The following ZNF521 variants were observed in gnomAD, a reference collection of about 807,000 sequenced individuals.
ZNF521 encodes zinc finger protein 521.
A neutral mutation model predicts 105.5 loss-of-function variants in ZNF521; 14 were observed. That is an observed-to-expected ratio of 0.13 (90% confidence interval 0.09 to 0.21). The LOEUF is 0.21. Among genes scored for constraint, ZNF521 ranks in the 10% least tolerant of loss-of-function variants. The probability of loss-of-function intolerance (pLI) is 1.00; values close to 1 mark genes in which losing one functional copy is unlikely to be tolerated. For missense variants in ZNF521, 1,233 were observed against 1,629.7 expected (o/e 0.76, Z 4.19); for synonymous variants, 635 against 606.0 (o/e 1.05, Z -0.70).
At chr18:25,212,202 T>A (rs7236004) in intron 4 of ZNF521, among the ~76,000 whole-genome samples, 92,704 of 151,794 alleles carry the variant, frequency 0.61, 29,708 homozygotes, top group African/African-American at 0.82. Context: ...AGTTCCAAAA[T>A]ATAAAAATAT....
At chr18:25,310,748 A>G (rs1600290056) in intron 3 of ZNF521, among the ~76,000 whole-genome samples, 1 of 152,250 alleles carries the variant, frequency 6.6e-6, no homozygotes, top group East Asian at 1.9e-4. Flanking sequence ...CTTGGTTTGA[A>G]GCACTATGAT....
At chr18:25,292,893 T>C (rs1478194153) in intron 3 of ZNF521, among the ~76,000 whole-genome samples, 1 of 152,156 alleles carries the variant, frequency 6.6e-6, no homozygotes, top group African/African-American at 2.4e-5. Context: ...GAATCCAAGG[T>C]AGGACCCTCA....
chr18:25,324,398 C>CAA (rs34574068), intron 2 of ZNF521, among the ~76,000 whole-genome samples: 38 of 116,494 alleles, frequency 3.3e-4, no homozygotes, highest in Non-Finnish European at 4.5e-4. Context: ...GCAACAGATG[C>CAA]AAAAAAAAAA....
intron 5 of ZNF521, among the ~76,000 whole-genome samples, chr18:25,187,361 A>G (rs937813186): frequency 6.6e-6 from 1 of 151,768 alleles, no homozygotes; most frequent in Non-Finnish European, 1.5e-5. Context: ...CAATTTCTCT[A>G]TTTCTCCTGC....
intron 3 of ZNF521, among the ~76,000 whole-genome samples, chr18:25,240,742 T>C (rs1907261449): frequency 6.6e-6 from 1 of 151,844 alleles, no homozygotes; most frequent in Non-Finnish European, 1.5e-5. Flanking sequence ...TAAATCAGAC[T>C]CTCTGAGAGT....
At chr18:25,219,125 G>A (rs1158602386) in intron 4 of ZNF521, among the ~76,000 whole-genome samples, 1 of 152,198 alleles carries the variant, frequency 6.6e-6, no homozygotes, top group Non-Finnish European at 1.5e-5. Context: ...AATACAGTGT[G>A]TAATACATAT....
intron 3 of ZNF521, among the ~76,000 whole-genome samples, chr18:25,320,687 T>C (rs1278812158): frequency 2.0e-5 from 3 of 152,200 alleles, no homozygotes; most frequent in Non-Finnish European, 4.4e-5. Context: ...GTAAATGATA[T>C]GGAAGTTCCT....
At chr18:25,219,645 G>A (rs940030603) in intron 4 of ZNF521, among the ~76,000 whole-genome samples, 12 of 151,900 alleles carry the variant, frequency 7.9e-5, no homozygotes, top group East Asian at 1.9e-4. Flanking sequence ...CGGCAAGCTC[G>A]TCTCTACCAA....
At chr18:25,266,047 G>A (rs1299420699) in intron 3 of ZNF521, among the ~76,000 whole-genome samples, 1 of 152,184 alleles carries the variant, frequency 6.6e-6, no homozygotes, top group Non-Finnish European at 1.5e-5. Context: ...GGGAAAAGTA[G>A]TAGGGGTCTG....
At chr18:25,203,117 C>A (rs552247198) in intron 4 of ZNF521, among the ~76,000 whole-genome samples, 2 of 152,274 alleles carry the variant, frequency 1.3e-5, no homozygotes, top group African/African-American at 4.8e-5. Flanking sequence ...ATAAAACACA[C>A]AAACATTAAA....
chr18:25,294,419 T>C (rs2145043227), intron 3 of ZNF521, among the ~76,000 whole-genome samples: 2 of 152,338 alleles, frequency 1.3e-5, no homozygotes, highest in South Asian at 4.1e-4. Context: ...CTTCTGACTC[T>C]GGAAAAACAG....
chr18:25,208,977 T>C (rs772204505), intron 4 of ZNF521, among the ~76,000 whole-genome samples: 1 of 152,202 alleles, frequency 6.6e-6, no homozygotes, highest in Non-Finnish European at 1.5e-5. Context: ...ATTTCGAAGA[T>C]AATCCTTAGA....
intron 2 of ZNF521, among the ~76,000 whole-genome samples, chr18:25,350,118 C>T (rs1052993594): frequency 2.0e-5 from 3 of 152,118 alleles, no homozygotes; most frequent in African/African-American, 7.2e-5. Flanking sequence ...CAGGGACCCC[C>T]GCCCCCGCCG....
intron 7 of ZNF521, among the ~76,000 whole-genome samples, chr18:25,068,826 G>A (rs2033141932): frequency 6.6e-6 from 1 of 152,142 alleles, no homozygotes; most frequent in South Asian, 2.1e-4. Context: ...AGCATATACT[G>A]TACGTGACTT....
intron 5 of ZNF521, among the ~76,000 whole-genome samples, chr18:25,175,502 A>G (rs973553095): frequency 6.6e-6 from 1 of 152,222 alleles, no homozygotes; most frequent in Non-Finnish European, 1.5e-5. Context: ...CATACTTTGT[A>G]AAGCTGTCAT....
intron 5 of ZNF521, among the ~76,000 whole-genome samples, chr18:25,145,441 C>T (rs2034925280): frequency 6.6e-6 from 1 of 152,094 alleles, no homozygotes; most frequent in Admixed American, 6.6e-5. Context: ...AGTGGCAAAA[C>T]CTATGGCACA....
rs1426103422 is a variant in ZNF521 at position 25,062,719 on chromosome 18, C to T, written c.3929G>A (p.Ser1310Asn). ...ELQNHTMTQH[S>N]S ...TGAGAGACTGTACTTGCACTAACTG[C>T]TGTGTTGGGTCATTGTATGATTCTG... The change falls in exon 8 of 8, where the codon AGC becomes AAC. Residue 1310 changes from serine (S) to asparagine (N), a missense_variant. Ser to Asn is a conservative substitution (Grantham distance 46). Coordinates refer to ENST00000361524, the MANE Select transcript of ZNF521 (RefSeq NM_015461.3). 2 of 1,098,090 alleles carry T rather than the reference C, an allele frequency of 1.8e-6. No individual in the cohort carries two copies. Among genetic ancestry groups the T allele is most frequent in the African/African-American group, 2.0e-5 (1 of 50,062 alleles). The allele number at this position is 1,098,090 out of a possible 1,614,324, so 68.0% of individuals were successfully genotyped here.
intron 3 of ZNF521, among the ~76,000 whole-genome samples, chr18:25,259,883 C>T (rs891169455): frequency 7.2e-5 from 11 of 152,142 alleles, no homozygotes; most frequent in African/African-American, 2.7e-4. Flanking sequence ...AGGTGATTGA[C>T]TCCAGACAGA....
chr18:25,287,873 A>G, intron 3 of ZNF521, among the ~76,000 whole-genome samples: 1 of 152,224 alleles, frequency 6.6e-6, no homozygotes, highest in East Asian at 1.9e-4. Context: ...CTTCTTGACC[A>G]AGCATTAGGA....
Sources: gnomAD v4.1 joint callset for allele counts (sites outside exome capture counted in the v4.1 genomes callset) on GRCh38, gnomAD v4.1.1 for gene constraint, MANE v1.5 for transcripts, NCBI Gene and HGNC (gene_info 2026-07-23, HGNC 2026-07-21) for gene names.